The following ENOX1 variants were observed in gnomAD, a reference collection of about 807,000 sequenced individuals.
The protein encoded by ENOX1 is candidate growth-related and time keeping constitutive hydroquinone (NADH) oxidase.
A neutral mutation model predicts 82.5 loss-of-function variants in ENOX1; 42 were observed. The observed-to-expected ratio is 0.51, with a 90% confidence interval of 0.40 to 0.66. The LOEUF (loss-of-function observed/expected upper bound fraction) is 0.66, where lower values mean the gene tolerates loss of function less well. Among genes scored for constraint, ENOX1 ranks in the 30% least tolerant of loss-of-function variants. ENOX1 has a pLI of 0.00. For synonymous variants in ENOX1, 271 were observed against 282.2 expected, an observed-to-expected ratio of 0.96 and a Z score of 0.40; for missense variants, 608 against 811.6, an observed-to-expected ratio of 0.75 and a Z score of 3.05.
At chr13:43,491,538 G>A (rs566665022) in intron 2 of ENOX1, among the ~76,000 whole-genome samples, 1 of 152,262 alleles carries the variant, frequency 6.6e-6, no homozygotes, top group East Asian at 1.9e-4. Flanking sequence ...GGAGGCTGAG[G>A]AGGCAGATCA....
chr13:43,608,589 G>C (rs1046670024), intron 2 of ENOX1, among the ~76,000 whole-genome samples: 1 of 152,152 alleles, frequency 6.6e-6, no homozygotes, highest in Admixed American at 6.5e-5. Context: ...TGTGACAGGA[G>C]CTCAGGGCTA....
chr13:43,377,233 A>G (rs994736938), intron 5 of ENOX1, among the ~76,000 whole-genome samples: 1 of 152,152 alleles, frequency 6.6e-6, no homozygotes, highest in Non-Finnish European at 1.5e-5. Context: ...CGGGCTCCTG[A>G]TAAAAAGATA....
chr13:43,402,526 C>A (rs2053556574), intron 5 of ENOX1, among the ~76,000 whole-genome samples: 1 of 152,188 alleles, frequency 6.6e-6, no homozygotes, highest in African/African-American at 2.4e-5. Flanking sequence ...AAGTCCAGCA[C>A]AGTCTGTTAG....
chr13:43,687,923 T>C (rs917999916), intron 1 of ENOX1, among the ~76,000 whole-genome samples: 3 of 151,964 alleles, frequency 2.0e-5, no homozygotes, highest in Admixed American at 6.6e-5. Context: ...GTGAGACTTA[T>C]CCAGGTGAAA....
At chr13:43,711,779 T>C (rs2087736213) in intron 1 of ENOX1, among the ~76,000 whole-genome samples, 1 of 151,632 alleles carries the variant, frequency 6.6e-6, no homozygotes, top group Non-Finnish European at 1.5e-5. Flanking sequence ...TTTGTTTTTT[T>C]CTTGTAAATT....
At chr13:43,464,505 C>A (rs1389339901) in intron 3 of ENOX1, among the ~76,000 whole-genome samples, 3 of 152,090 alleles carry the variant, frequency 2.0e-5, no homozygotes, top group Non-Finnish European at 4.4e-5. Context: ...AGGCCCTGTA[C>A]CTCTACTCAT....
intron 3 of ENOX1, among the ~76,000 whole-genome samples, chr13:43,430,722 A>C (rs973579669): frequency 1.3e-5 from 2 of 152,228 alleles, no homozygotes; most frequent in Admixed American, 1.3e-4. Flanking sequence ...AAATGATACC[A>C]AGTGCAAAAA....
At chr13:43,774,911 G>A (rs1404614701) in intron 1 of ENOX1, among the ~76,000 whole-genome samples, 1 of 151,994 alleles carries the variant, frequency 6.6e-6, no homozygotes, top group Non-Finnish European at 1.5e-5. Flanking sequence ...GTGCAATGGC[G>A]TGATCTCGGC....
At chr13:43,507,699 A>G (rs1418850091) in intron 2 of ENOX1, among the ~76,000 whole-genome samples, 1 of 152,054 alleles carries the variant, frequency 6.6e-6, no homozygotes, top group Non-Finnish European at 1.5e-5. Flanking sequence ...AGCAAGAGCA[A>G]GGCAAGATGC....
chr13:43,533,553 GCACACGGCCCTTAATGA>G (rs2078323653), intron 2 of ENOX1, among the ~76,000 whole-genome samples: 1 of 152,076 alleles, frequency 6.6e-6, no homozygotes, highest in Non-Finnish European at 1.5e-5. Flanking sequence ...CACTGGTGAT[GCACACGGCCCTTAATGA>G]CATGGCCCAG....
At chr13:43,639,577 T>G (rs1039281134) in intron 2 of ENOX1, among the ~76,000 whole-genome samples, 1 of 152,080 alleles carries the variant, frequency 6.6e-6, no homozygotes, top group Admixed American at 6.5e-5. Context: ...ATTATTGGAG[T>G]TGACAATTAT....
intron 1 of ENOX1, among the ~76,000 whole-genome samples, chr13:43,702,851 GCTGAGGCAGAAGTATGGCTT>G (rs968324745): frequency 6.7e-6 from 1 of 150,230 alleles, no homozygotes; most frequent in Non-Finnish European, 1.5e-5. Context: ...TACTCGGGAG[GCTGAGGCAGAAGTATGGCTT>G]GAAGCCGGGA....
chr13:43,600,085 C>G (rs886827740), intron 2 of ENOX1, among the ~76,000 whole-genome samples: 1 of 152,068 alleles, frequency 6.6e-6, no homozygotes, highest in African/African-American at 2.4e-5. Flanking sequence ...AGGTGTGACC[C>G]AGCATATTGC....
At chr13:43,247,965 A>C (rs2043230116) in intron 14 of ENOX1, among the ~76,000 whole-genome samples, 1 of 129,230 alleles carries the variant, frequency 7.7e-6, no homozygotes, top group South Asian at 2.7e-4. Context: ...GGCTCACTGC[A>C]AGCTCCGCCT....
At chr13:43,383,197 C>T (rs60746869) in intron 5 of ENOX1, among the ~76,000 whole-genome samples, 2,133 of 152,148 alleles carry the variant, frequency 0.014, 59 homozygotes, top group African/African-American at 0.049. Context: ...ACAATCCAAG[C>T]GAGGAAATTT....
At chr13:43,554,927 A>G (rs146130699) in intron 2 of ENOX1, among the ~76,000 whole-genome samples, 56 of 152,276 alleles carry the variant, frequency 3.7e-4, no homozygotes, top group Non-Finnish European at 7.2e-4. Flanking sequence ...TAAACTCTTA[A>G]GCAATGTTTT....
At chr13:43,477,733 A>G (rs1021561865) in intron 3 of ENOX1, among the ~76,000 whole-genome samples, 9 of 152,086 alleles carry the variant, frequency 5.9e-5, no homozygotes, top group Non-Finnish European at 1.5e-5. Flanking sequence ...GGGTGTGAAT[A>G]TGAGGTTTAA....
intron 1 of ENOX1, among the ~76,000 whole-genome samples, chr13:43,677,106 T>C (rs2085547049): frequency 6.6e-6 from 1 of 151,970 alleles, no homozygotes; most frequent in African/African-American, 2.4e-5. Context: ...CACATCACTT[T>C]CCCATTTTCT....
chr13:43,416,903 C>T (rs2054624740), intron 3 of ENOX1, among the ~76,000 whole-genome samples: 1 of 152,194 alleles, frequency 6.6e-6, no homozygotes, highest in South Asian at 2.1e-4. Flanking sequence ...CACGCCACTG[C>T]ACTCCAGCCT....
Sources: gnomAD v4.1 joint callset for allele counts (sites outside exome capture counted in the v4.1 genomes callset) on GRCh38, gnomAD v4.1.1 for gene constraint, MANE v1.5 for transcripts, NCBI Gene and HGNC (gene_info 2026-07-23, HGNC 2026-07-21) for gene names.